The following CCDC13 variants were observed in gnomAD, a reference collection of about 807,000 sequenced individuals.
The protein encoded by CCDC13 is coiled-coil domain containing 13.
Under a neutral mutation model 87.3 loss-of-function variants are expected in CCDC13, and 70 were observed. The ratio of observed to expected loss-of-function variants is 0.80; its 90% CI spans 0.66 to 0.98. The LOEUF (loss-of-function observed/expected upper bound fraction) is 0.98, where lower values mean the gene tolerates loss of function less well. Among genes scored for constraint, CCDC13 ranks in the 50% least tolerant of loss-of-function variants. The pLI, the probability that CCDC13 is intolerant of heterozygous loss-of-function variation, is 0.00. For synonymous variants in CCDC13, 317 were observed against 360.3 expected (o/e 0.88, Z 1.36); for missense variants, 842 against 892.0 (o/e 0.94, Z 0.71).
In CCDC13 at chr3:42,730,467, C is replaced by G. The variant is rs141485184; in HGVS notation, c.1718G>C (p.Arg573Pro). Residue 573 changes from arginine (R) to proline (P), a missense_variant and splice_region_variant, in exon 13 of 16, where the codon CGG becomes CCG. Arg to Pro is a moderately radical substitution (Grantham distance 103). Coordinates refer to ENST00000310232, the MANE Select transcript of CCDC13 (RefSeq NM_144719.4). ...GAGATCCCTGGGTGCCATGTGTTAC[C>G]GTTTCTGCAGGACAGTGACAAACTC... ...LTEFVTVLQK[R>P]VEESNSKLLE... is the part of the protein sequence containing the mutation. The G allele has an allele frequency of 1.2e-5, 20 of 1,613,062 alleles. No homozygotes were observed. Among genetic ancestry groups the G allele is most frequent in the Middle Eastern group, 1.7e-4 (1 of 6,054 alleles).
chr3:42,762,821 C>T (rs1190413988), intron 1 of CCDC13, among the ~76,000 whole-genome samples: 2 of 152,176 alleles, frequency 1.3e-5, no homozygotes, highest in Non-Finnish European at 2.9e-5. Flanking sequence ...TGATGGCTCA[C>T]ACCTGTAATC....
At chr3:42,769,714 G>A (rs992779885) in intron 1 of CCDC13, among the ~76,000 whole-genome samples, 1 of 152,252 alleles carries the variant, frequency 6.6e-6, no homozygotes, top group African/African-American at 2.4e-5. Context: ...GGTGTGGAGT[G>A]AGAGGTGCCG....
chr3:42,718,773 T>G (rs1166732189), intron 13 of CCDC13, among the ~76,000 whole-genome samples: 1 of 152,044 alleles, frequency 6.6e-6, no homozygotes. Flanking sequence ...ATCTTTCTGG[T>G]GAACCACAGA....
rs1297123257 is a variant in CCDC13 at position 42,707,137 on chromosome 3, G to C, written c.*1843C>G. Reference sequence around the variant, plus strand: ...ACTCCCTGGGACTGCACTGAGGCCAGAGCCTGTACCCCTCATACTCAGATC... The same window carrying C: ...ACTCCCTGGGACTGCACTGAGGCCACAGCCTGTACCCCTCATACTCAGATC... On this transcript the variant is annotated 3_prime_UTR_variant, in exon 16 of 16. Coordinates refer to ENST00000310232, the MANE Select transcript of CCDC13 (RefSeq NM_144719.4). Among the ~76,000 whole-genome samples the C allele has an allele frequency of 6.6e-6, 1 of 152,148 alleles. No homozygotes were observed. Among genetic ancestry groups the C allele is most frequent in the Non-Finnish European group, 1.5e-5 (1 of 68,028 alleles).
downstream of CCDC13, among the ~76,000 whole-genome samples, chr3:42,705,588 G>A (rs937991500): frequency 3.3e-5 from 5 of 152,156 alleles, no homozygotes; most frequent in South Asian, 2.1e-4. Context: ...CCCTCAACCC[G>A]CCAGGGCACC....
chr3:42,717,228 C>T (rs1189868429), intron 13 of CCDC13, among the ~76,000 whole-genome samples: 2 of 152,040 alleles, frequency 1.3e-5, no homozygotes, highest in African/African-American at 2.4e-5. Context: ...GAGTTCAAGA[C>T]CAGCCTGGCC....
chr3:42,759,307 CAAAA>C (rs36014297), intron 1 of CCDC13, among the ~76,000 whole-genome samples: 3 of 126,898 alleles, frequency 2.4e-5, no homozygotes, highest in South Asian at 2.5e-4. Context: ...ACCCTGTCTC[CAAAA>C]AAAAAAAAAA....
chr3:42,771,850 A>C (rs1700121912), intron 1 of CCDC13, among the ~76,000 whole-genome samples: 1 of 152,258 alleles, frequency 6.6e-6, no homozygotes, highest in African/African-American at 2.4e-5. Context: ...ATCAATGATA[A>C]CAAATGTACC....
intron 10 of CCDC13, 143 bp from the exon 11 acceptor site, chr3:42,733,752 G>C: frequency 1.0e-6 from 1 of 975,616 alleles, no homozygotes; most frequent in Non-Finnish European, 1.4e-6. Context: ...AGGCCTGTTT[G>C]GTGAAGGCAC....
At chr3:42,737,864 TG>T (rs1488402434) in intron 9 of CCDC13, among the ~76,000 whole-genome samples, 1 of 152,240 alleles carries the variant, frequency 6.6e-6, no homozygotes, top group East Asian at 1.9e-4. Context: ...TTAGGTTGCC[TG>T]TTCACTCTGA....
Position 42,713,310 on chromosome 3 carries a change from C to T in CCDC13, c.1725G>A (p.Glu575=), listed in dbSNP as rs767345602. ...EFVTVLQKRV[E]ESNSKLLESE... ...ACTCCAGGAGCTTGCTGTTGCTCTC[C>T]TCCACCCTGGTGATTAGAGAGGAGG... Residue 575 remains glutamate, a synonymous_variant, in exon 14 of 16, where the codon GAG becomes GAA. Coordinates refer to ENST00000310232, the MANE Select transcript of CCDC13 (RefSeq NM_144719.4). The T allele has an allele frequency of 1.2e-6, 2 of 1,613,866 alleles. No individual in the cohort carries two copies. Among genetic ancestry groups the T allele is most frequent in the South Asian group, 2.2e-5 (2 of 91,042 alleles).
chr3:42,746,599 C>G (rs1699401310), intron 6 of CCDC13: 2 of 163,124 alleles, frequency 1.2e-5, no homozygotes, highest in African/African-American at 4.8e-5. Context: ...TGACCTGGGC[C>G]CCTCTGAAGC....
In CCDC13 at chr3:42,751,990, C is replaced by T. The variant is rs779467223; in HGVS notation, c.549G>A (p.Gly183=). ...GTGGCTTGGCTCCTGCGTCGGTGGC[C>T]CCCTTGGCTGACAGCCTGGTCAGGG... ...QTALTRLSAK[G]ATDAGAKPPR... Residue 183 remains glycine (G), a synonymous_variant, in exon 5 of 16, where the codon GGG becomes GGA. Transcript: ENST00000310232. 6.2e-7 allele frequency: 1 copy of T among 1,609,738 alleles called. No homozygotes were observed. Among genetic ancestry groups the T allele is most frequent in the East Asian group, 2.2e-5 (1 of 44,864 alleles).
intron 3 of CCDC13, among the ~76,000 whole-genome samples, chr3:42,756,052 G>A (rs1699697807): frequency 6.6e-6 from 1 of 152,130 alleles, no homozygotes; most frequent in Admixed American, 6.5e-5. Context: ...GAGTCTTTAG[G>A]ATACCAAATT....
chr3:42,731,760 T>C (rs898988002), intron 12 of CCDC13, among the ~76,000 whole-genome samples: 16 of 152,198 alleles, frequency 1.1e-4, no homozygotes, highest in African/African-American at 3.6e-4. Flanking sequence ...CCAGCCCGAA[T>C]AGACATACTC....
intron 7 of CCDC13, among the ~76,000 whole-genome samples, chr3:42,743,600 T>TATATATATATAC: frequency 2.4e-5 from 3 of 125,792 alleles, no homozygotes; most frequent in East Asian, 4.5e-4. Context: ...TATATATATA[T>TATATATATATAC]ACACACACAC....
chr3:42,758,388 T>G, intron 1 of CCDC13, 37 bp from the exon 2 acceptor site: 1 of 1,597,404 alleles, frequency 6.3e-7, no homozygotes, highest in South Asian at 1.1e-5. Context: ...TGAAGCAAAC[T>G]CCACACCGAG....
chr3:42,762,406 G>A (rs1001832232), intron 1 of CCDC13, among the ~76,000 whole-genome samples: 5 of 152,184 alleles, frequency 3.3e-5, no homozygotes, highest in Admixed American at 1.3e-4. Flanking sequence ...TTCTTCACCT[G>A]GGGACCTTGG....
At chr3:42,768,922 G>A (rs1224953249) in intron 1 of CCDC13, among the ~76,000 whole-genome samples, 1 of 152,106 alleles carries the variant, frequency 6.6e-6, no homozygotes, top group African/African-American at 2.4e-5. Flanking sequence ...TGGATCACCT[G>A]AGGTTGGGAG....
Sources: gnomAD v4.1 joint callset for allele counts (sites outside exome capture counted in the v4.1 genomes callset) on GRCh38, gnomAD v4.1.1 for gene constraint, MANE v1.5 for transcripts, NCBI Gene and HGNC (gene_info 2026-07-23, HGNC 2026-07-21) for gene names.